Variants in PC observed in about 807,000 individuals in gnomAD.
PC encodes the protein pyruvate carboxylase, also known as pyruvate carboxylase, mitochondrial.
A neutral mutation model predicts 107.8 loss-of-function variants in PC; 46 were observed. That is an observed-to-expected ratio of 0.43 (90% CI 0.34 to 0.55). The LOEUF (loss-of-function observed/expected upper bound fraction) is 0.55. PC is among the 20% of genes least tolerant of loss of function. PC has a pLI of 0.04. For missense variants in PC, 1,241 were observed against 1,643.1 expected, an observed-to-expected ratio of 0.76 and a Z score of 4.23; for synonymous variants, 662 against 684.7, an observed-to-expected ratio of 0.97 and a Z score of 0.52.
chr11:66,921,084 C>T (rs1027114677), intron 3 of PC, among the ~76,000 whole-genome samples: 1 of 151,434 alleles, frequency 6.6e-6, no homozygotes, highest in Non-Finnish European at 1.5e-5. Context: ...TGGCTGAGGA[C>T]GAAATGCCTT....
chr11:66,884,185 G>A (rs1304786217), intron 3 of PC, among the ~76,000 whole-genome samples: 8 of 151,842 alleles, frequency 5.3e-5, no homozygotes, highest in Non-Finnish European at 5.9e-5. Context: ...CAGAGGTTGC[G>A]GTGGGCTGAG....
Position 66,871,601 on chromosome 11 carries a change from T to A in PC, c.321+86A>T. The A allele has an allele frequency of 6.4e-7, 1 of 1,573,098 alleles. No individual in the cohort carries two copies. Among genetic ancestry groups the A allele is most frequent in the Non-Finnish European group, 8.7e-7 (1 of 1,151,586 alleles). On this transcript the variant is annotated intron_variant, in intron 5 of 22. Coordinates refer to ENST00000393960, the MANE Select transcript of PC (RefSeq NM_001040716.2). The surrounding 1 kb of genome is among the most constrained non-coding windows in gnomAD (Gnocchi z 7.4). ...TTTACCCACCCACGCACAGAGGCGC[T>A]GAGCACGCCAGCCTCAAGAGACCCC...
chr11:66,849,173 T>C (rs1356562164), intron 22 of PC, 26 bp from the exon 23 acceptor site: 2 of 1,613,698 alleles, frequency 1.2e-6, no homozygotes, highest in Non-Finnish European at 1.7e-6. Flanking sequence ...AGAGGGGACA[T>C]GACATCCTGG....
At chr11:66,853,143 G>A (rs1945606703) in intron 13 of PC, 96 bp downstream of exon 13, 2 of 1,408,612 alleles carry the variant, frequency 1.4e-6, no homozygotes, top group South Asian at 2.5e-5. Context: ...GGGCACTAAG[G>A]AGTTCTTTGG....
Position 66,871,332 on chromosome 11 carries a change from G to A in PC, c.470C>T (p.Ala157Val). ...ATATTCACCCGCAGCAATGGCGATG[G>A]CCCGGGCCTCCACCTTGTCTCCCAT... ...RKMGDKVEAR[A>V]IAIAAGVPVV... Residue 157 changes from alanine (A) to valine (V), a missense_variant, in exon 6 of 23, where the codon GCC becomes GTC. Transcript: ENST00000393960. The surrounding 1 kb of genome is among the most constrained non-coding windows in gnomAD (Gnocchi z 7.4). 1 of 1,613,940 alleles carries A rather than the reference G, an allele frequency of 6.2e-7. No individual in the cohort carries two copies.
intron 9 of PC, 94 bp from the exon 10 acceptor site, chr11:66,869,058 T>A: frequency 1.0e-6 from 1 of 970,572 alleles, no homozygotes; most frequent in Admixed American, 1.9e-5. Flanking sequence ...ACCCATTGGG[T>A]TGGTTCCGTA....
intron 3 of PC, among the ~76,000 whole-genome samples, chr11:66,951,247 A>G (rs1354970133): frequency 2.6e-5 from 4 of 152,194 alleles, no homozygotes; most frequent in Non-Finnish European, 5.9e-5. Context: ...AAAGTCCCCA[A>G]GGCCACAGCG....
chr11:66,909,529 A>G (rs912974611), intron 3 of PC, among the ~76,000 whole-genome samples: 15 of 152,158 alleles, frequency 9.9e-5, no homozygotes, highest in African/African-American at 3.6e-4. Flanking sequence ...CTGCTACTGG[A>G]TTGGACCAAA....
chr11:66,852,997 A>C lies in PC; in HGVS notation c.1514-161T>G. 1 of 701,328 alleles carries C rather than the reference A, an allele frequency of 1.4e-6. No individual in the cohort carries two copies. Among genetic ancestry groups the C allele is most frequent in the Non-Finnish European group, 2.3e-6 (1 of 426,260 alleles). The allele number at this position is 701,328 out of a possible 1,614,324, so 43.4% of individuals were successfully genotyped here. ...TCCAAAGCCAGGGCCTCCTGGGTACAGGCAGTGGGGACGTCTTGAGGACCA... is the reference window on the plus strand; with the variant it reads ...TCCAAAGCCAGGGCCTCCTGGGTACCGGCAGTGGGGACGTCTTGAGGACCA... On this transcript the variant is annotated intron_variant, in intron 13 of 22. Coordinates refer to ENST00000393960, the MANE Select transcript of PC (RefSeq NM_001040716.2). The surrounding 1 kb of genome is among the most constrained non-coding windows in gnomAD (Gnocchi z 4.7).
At chr11:66,909,540 A>T (rs529231472) in intron 3 of PC, among the ~76,000 whole-genome samples, 1 of 152,222 alleles carries the variant, frequency 6.6e-6, no homozygotes, top group South Asian at 2.1e-4. Context: ...TTGGACCAAA[A>T]ATGTCATCAC....
chr11:66,957,094 T>C (rs1565311777), intron 1 of PC, among the ~76,000 whole-genome samples: 1 of 152,186 alleles, frequency 6.6e-6, no homozygotes, highest in Non-Finnish European at 1.5e-5. Flanking sequence ...GCTGAGCACA[T>C]CCACCCCCAG....
At position 66,870,380 on chromosome 11, in the gene PC, G is replaced by A. The variant is rs546067067; in HGVS notation, c.825C>T (p.Val275=). 1.3e-5 allele frequency: 21 copies of A among 1,613,586 alleles called. No homozygotes were observed. The highest frequency in any genetic ancestry group is 1.7e-4 in the Middle Eastern group (1 of 6,056). The change falls in exon 9 of 23, where the codon GTC becomes GTT. Residue 275 remains valine (V), a synonymous_variant. Coordinates refer to ENST00000393960, the MANE Select transcript of PC (RefSeq NM_001040716.2). The surrounding 1 kb of genome is among the most constrained non-coding windows in gnomAD (Gnocchi z 6.1). ...CCAGGTGGGCGGCGGGGGCAATCTCGACCACCTTCTGGTGCCGCCGCTGGA... is the reference window on the plus strand; with the variant it reads ...CCAGGTGGGCGGCGGGGGCAATCTCAACCACCTTCTGGTGCCGCCGCTGGA... ...CSIQRRHQKV[V]EIAPAAHLDP... is the part of the protein sequence containing the mutation.
intron 11 of PC, among the ~76,000 whole-genome samples, chr11:66,864,302 G>A (rs1344304667): frequency 6.6e-6 from 1 of 152,244 alleles, no homozygotes; most frequent in African/African-American, 2.4e-5. Context: ...ACCTGCCTGA[G>A]CAACCCTCTA....
intron 3 of PC, among the ~76,000 whole-genome samples, chr11:66,923,148 C>T (rs140692596): frequency 0.05 from 7,548 of 152,070 alleles, 393 homozygotes; most frequent in East Asian, 0.13. Flanking sequence ...GGGTGGATCA[C>T]GAGGTCAGGA....
At chr11:66,919,890 C>G (rs1447830810) in intron 3 of PC, 1 of 152,170 alleles carries the variant, frequency 6.6e-6, no homozygotes, top group Non-Finnish European at 1.5e-5. Context: ...CTGTATCACT[C>G]AAGAGGAATG....
chr11:66,918,516 GC>G (rs1233695605), intron 3 of PC, among the ~76,000 whole-genome samples: 2 of 151,666 alleles, frequency 1.3e-5, no homozygotes, highest in Admixed American at 1.3e-4. Flanking sequence ...GGGATTACAT[GC>G]ACGCGCCACC....
At chr11:66,920,244 G>A (rs1359120649) in intron 3 of PC, among the ~76,000 whole-genome samples, 1 of 152,132 alleles carries the variant, frequency 6.6e-6, no homozygotes, top group African/African-American at 2.4e-5. Flanking sequence ...AAGACACCCT[G>A]CAGAAAGGTG....
chr11:66,953,006 T>C (rs940360365), intron 2 of PC, among the ~76,000 whole-genome samples: 14 of 152,184 alleles, frequency 9.2e-5, no homozygotes, highest in Admixed American at 3.9e-4. Flanking sequence ...ATAATAACAA[T>C]GCCCATCTCA....
Position 66,866,399 on chromosome 11 carries a change from A to G in PC, c.1023-50T>C. 1 of 1,028,846 alleles carries G rather than the reference A, an allele frequency of 9.7e-7. No homozygotes were observed. Among genetic ancestry groups the G allele is most frequent in the Non-Finnish European group, 1.4e-6 (1 of 694,902 alleles). The allele number at this position is 1,028,846 out of a possible 1,614,324, so 63.7% of individuals were successfully genotyped here. A position where few individuals can be genotyped will look rare whatever the true frequency, so the allele number is the denominator to read the frequency against. On this transcript the variant is annotated intron_variant, in intron 10 of 22. Coordinates refer to ENST00000393960, the MANE Select transcript of PC (RefSeq NM_001040716.2). The surrounding 1 kb of genome is among the most constrained non-coding windows in gnomAD (Gnocchi z 5.4). ...GAAAGGACGGGAGAAAGGGGGAAAC[A>G]TGAGGCGGGGGATAGACGAGGGGCA...
Sources: gnomAD v4.1 joint callset for allele counts (sites outside exome capture counted in the v4.1 genomes callset) on GRCh38, gnomAD v4.1.1 for gene constraint, Gnocchi (gnomAD v3.1) non-coding constraint, MANE v1.5 for transcripts, NCBI Gene and HGNC (gene_info 2026-07-23, HGNC 2026-07-21) for gene names.